Variants in PPFIBP2 observed in about 807,000 individuals in gnomAD.
The protein encoded by PPFIBP2 is liprin-beta-2.
PPFIBP2 carries 118 observed loss-of-function variants against 118.3 expected under a neutral mutation model. The observed-to-expected ratio is 1.00, with a 90% CI of 0.86 to 1.16. The LOEUF is 1.16. Ranked by LOEUF, PPFIBP2 falls within the 50% of genes most tolerant of loss-of-function variation. PPFIBP2 has a pLI of 0.00. For missense variants in PPFIBP2, 1,195 were observed against 1,073.1 expected (o/e 1.11, Z -1.59); for synonymous variants, 414 against 397.4 (o/e 1.04, Z -0.50).
the PPFIBP2 span, chr11:7,666,527 T>C: frequency 6.2e-7 from 1 of 1,613,466 alleles, no homozygotes. Context: ...CAAGCTCTTT[T>C]CTGACCAAGA....
chr11:7,515,722 A>G (rs1436032273), intron 1 of PPFIBP2, among the ~76,000 whole-genome samples: 1 of 152,204 alleles, frequency 6.6e-6, no homozygotes. Context: ...GCTGTCCAGT[A>G]CAGAAGTCTG....
chr11:7,634,097 G>A, intron 12 of PPFIBP2, among the ~76,000 whole-genome samples: 1 of 152,124 alleles, frequency 6.6e-6, no homozygotes, highest in Non-Finnish European at 1.5e-5. Context: ...GGAGGCCCAG[G>A]TCCCTCCTCC....
rs753319584 is a variant in PPFIBP2, at chr11:7,653,297, C to T, written c.*79C>T. 6.3e-6 allele frequency: 10 copies of T among 1,586,798 alleles called. No individual in the cohort carries two copies. The highest frequency in any genetic ancestry group is 8.6e-6 in the Non-Finnish European group (10 of 1,168,068). ...GTGTCACCATATAACTGCACCTCAC[C>T]CCCGCACGTGTGCATGACTCGCAGA... On this transcript the variant is annotated 3_prime_UTR_variant, in exon 24 of 24. Coordinates refer to ENST00000299492, the MANE Select transcript of PPFIBP2 (RefSeq NM_003621.5).
chr11:7,629,371 G>C (rs1262572948), intron 9 of PPFIBP2, 88 bp from the exon 10 acceptor site: 2 of 1,282,650 alleles, frequency 1.6e-6, no homozygotes, highest in Admixed American at 3.4e-5. Flanking sequence ...TCTTCTCCTT[G>C]TGCCAAGAAC....
downstream of PPFIBP2, chr11:7,657,033 T>C (rs1854749866): frequency 3.0e-6 from 1 of 338,064 alleles, no homozygotes; most frequent in Admixed American, 3.8e-5. Context: ...TCATACCTTT[T>C]GTACTTTTAT....
Position 7,565,586 on chromosome 11 carries a change from C to G in PPFIBP2, c.98C>G (p.Thr33Ser), listed in dbSNP as rs781243297. The G allele has an allele frequency of 1.2e-6, 2 of 1,614,216 alleles. No individual in the cohort carries two copies. The highest frequency in any genetic ancestry group is 1.7e-6 in the Non-Finnish European group (2 of 1,180,038). ...TKTGADLSDGTCEPGLASPAS... is the reference protein window; with the variant it reads ...TKTGADLSDGSCEPGLASPAS... Reference sequence around the variant, plus strand: ...ACAGGTGCAGATCTTAGTGATGGTACTTGTGAGCCTGGACTGGCTTCCCCG... The same window carrying G: ...ACAGGTGCAGATCTTAGTGATGGTAGTTGTGAGCCTGGACTGGCTTCCCCG... Residue 33 changes from threonine to serine, a missense_variant, in exon 3 of 24, where the codon ACT becomes AGT. Physicochemically the swap from Thr to Ser is moderately conservative, Grantham distance 58. Coordinates refer to ENST00000299492, the MANE Select transcript of PPFIBP2 (RefSeq NM_003621.5).
At chr11:7,652,904 G>T in intron 23 of PPFIBP2, 120 bp from the exon 24 acceptor site, 1 of 1,169,264 alleles carries the variant, frequency 8.6e-7, no homozygotes, top group Non-Finnish European at 1.2e-6. Flanking sequence ...AGTCTTTCTA[G>T]GAGCAGTTTA....
Position 7,653,417 on chromosome 11 carries a change from G to C in PPFIBP2, c.*199G>C. 2 of 1,496,582 alleles carry C rather than the reference G, an allele frequency of 1.3e-6. No homozygotes were observed. Among genetic ancestry groups the C allele is most frequent in the Admixed American group, 4.1e-5 (2 of 48,384 alleles). 92.7% of individuals were successfully genotyped at this position (1,496,582 alleles called of 1,614,324 possible). Reference sequence around the variant, plus strand: ...TGCATCTCTAAGGGGCCAGGCTTTGGGGACCATTGCCAAAGGTGGACTCAG... The same window carrying C: ...TGCATCTCTAAGGGGCCAGGCTTTGCGGACCATTGCCAAAGGTGGACTCAG... On this transcript the variant is annotated 3_prime_UTR_variant, in exon 24 of 24. Coordinates refer to ENST00000299492, the MANE Select transcript of PPFIBP2 (RefSeq NM_003621.5).
chr11:7,577,320 C>CGTGTGTGTGCGTGT (rs777893863), intron 3 of PPFIBP2: 9 of 219,710 alleles, frequency 4.1e-5, no homozygotes, highest in African/African-American at 2.6e-4. Context: ...CATGTATGTG[C>CGTGTGTGTGCGTGT]GTGTGTGTGT....
intron 3 of PPFIBP2, among the ~76,000 whole-genome samples, chr11:7,578,756 G>T (rs1485072383): frequency 6.6e-6 from 1 of 152,154 alleles, no homozygotes; most frequent in Non-Finnish European, 1.5e-5. Flanking sequence ...ATTATACTTC[G>T]CTGAAAACTG....
intron 1 of PPFIBP2, among the ~76,000 whole-genome samples, chr11:7,516,390 T>C (rs557970691): frequency 1.3e-5 from 2 of 152,246 alleles, no homozygotes; most frequent in South Asian, 4.1e-4. Context: ...GTCTCTAGAC[T>C]GATTAGATGC....
rs750722742 is a variant in PPFIBP2 at position 7,649,211 on chromosome 11, A to T, written c.1974A>T (p.Arg658Ser). 2 of 1,613,986 alleles carry T rather than the reference A, an allele frequency of 1.2e-6. No homozygotes were observed. Among genetic ancestry groups the T allele is most frequent in the Admixed American group, 3.3e-5 (2 of 60,036 alleles). ...KDQFHESRVDRRMLQYLTVND... is the reference protein window; with the variant it reads ...KDQFHESRVDSRMLQYLTVND... ...AGTTTCATGAATCTAGAGTTGACAG[A>T]CGAATGCTGCAATACCTAACTGTGG... The change falls in exon 20 of 24, where the codon AGA (arginine) becomes AGT (serine). Residue 658 changes from arginine (R) to serine (S), a missense_variant. Physicochemically the swap from Arg to Ser is moderately radical, Grantham distance 110. Coordinates refer to ENST00000299492, the MANE Select transcript of PPFIBP2 (RefSeq NM_003621.5).
At chr11:7,589,450 G>A (rs1305930798) in intron 3 of PPFIBP2, among the ~76,000 whole-genome samples, 1 of 152,008 alleles carries the variant, frequency 6.6e-6, no homozygotes, top group East Asian at 1.9e-4. Flanking sequence ...AAAATTAGCT[G>A]GGCATGGTGG....
At chr11:7,605,895 C>G in intron 5 of PPFIBP2, 1 of 1,503,214 alleles carries the variant, frequency 6.7e-7, no homozygotes, top group Non-Finnish European at 8.8e-7. Context: ...AGAAGCTGAA[C>G]GAAATGGAAA....
At position 7,529,103 on chromosome 11, in the gene PPFIBP2, T is replaced by C. The variant is rs527879839; in HGVS notation, c.-37+14982T>C. On this transcript the variant is annotated intron_variant, in intron 1 of 23. Coordinates refer to ENST00000299492, the MANE Select transcript of PPFIBP2 (RefSeq NM_003621.5). The stretch of plus-strand genomic sequence containing the variant: ...CAGAGGAAATATTCAGAGGAAGAAG[T>C]TGGGGGAGCATCTGGGCTGCAGTGA... Among the ~76,000 whole-genome samples the C allele has an allele frequency of 1.8e-4, 27 of 151,184 alleles. No individual in the cohort carries two copies. In the South Asian group the frequency reaches 3.6e-3, roughly 20 times the overall value.
chr11:7,659,845 C>G (rs1254179023), downstream of PPFIBP2, among the ~76,000 whole-genome samples: 1 of 106,144 alleles, frequency 9.4e-6, no homozygotes, highest in Non-Finnish European at 2.3e-5. Context: ...TTGTAGTTCT[C>G]CTTGAAGAGG....
chr11:7,648,146 C>T (rs967905579), intron 17 of PPFIBP2: 3 of 458,612 alleles, frequency 6.5e-6, no homozygotes, highest in African/African-American at 5.9e-5. Context: ...GCCCCATTCT[C>T]TAAGTAGCCT....
chr11:7,552,766 C>T (rs955766123), intron 2 of PPFIBP2, among the ~76,000 whole-genome samples: 3 of 152,136 alleles, frequency 2.0e-5, no homozygotes, highest in African/African-American at 7.2e-5. Context: ...CCCCCCCTCT[C>T]CTGGAATGCC....
chr11:7,627,964 G>C (rs1850243200), intron 8 of PPFIBP2, among the ~76,000 whole-genome samples: 1 of 152,168 alleles, frequency 6.6e-6, no homozygotes, highest in Non-Finnish European at 1.5e-5. Flanking sequence ...AGTTGTAAAG[G>C]ATAAAAATGT....
Sources: allele counts gnomAD v4.1 joint callset (sites outside exome capture counted in the v4.1 genomes callset), GRCh38; gene constraint gnomAD v4.1.1; transcripts MANE v1.5; gene names NCBI Gene and HGNC (gene_info 2026-07-23, HGNC 2026-07-21).